PI4KA: variants seen among roughly 807,000 people sequenced by gnomAD.
PI4KA encodes the protein phosphatidylinositol 4-kinase alpha, also known as PI4-kinase alpha.
Under a neutral mutation model 271.4 loss-of-function variants are expected in PI4KA, and 122 were observed. That is an observed-to-expected ratio of 0.45 (90% CI 0.39 to 0.52). The LOEUF (loss-of-function observed/expected upper bound fraction) is 0.52. Among genes scored for constraint, PI4KA ranks in the 20% least tolerant of loss-of-function variants. PI4KA has a pLI of 0.00. For synonymous variants in PI4KA, 1,041 were observed against 1,078.8 expected, an observed-to-expected ratio of 0.96 and a Z score of 0.69; for missense variants, 1,969 against 2,769.1, an observed-to-expected ratio of 0.71 and a Z score of 6.48.
intron 36 of PI4KA, among the ~76,000 whole-genome samples, chr22:20,730,487 C>G (rs1927897456): frequency 6.6e-6 from 1 of 152,058 alleles, no homozygotes; most frequent in Admixed American, 6.6e-5. Flanking sequence ...GTTGGCCAGG[C>G]TGGTCTCAAA....
intron 23 of PI4KA, among the ~76,000 whole-genome samples, chr22:20,754,009 G>GT (rs1248924902): frequency 1.3e-5 from 2 of 151,788 alleles, no homozygotes; most frequent in African/African-American, 2.4e-5. Context: ...TCTGCATCAC[G>GT]TAAGTGGTAT....
At chr22:20,788,438 C>T (rs1278099433) in intron 19 of PI4KA, among the ~76,000 whole-genome samples, 3 of 152,178 alleles carry the variant, frequency 2.0e-5, no homozygotes, top group African/African-American at 7.2e-5. Flanking sequence ...TCCTTACCCT[C>T]AATCCCTAGG....
At chr22:20,800,873 C>CA (rs376870559) in intron 14 of PI4KA, among the ~76,000 whole-genome samples, 30,355 of 122,322 alleles carry the variant, frequency 0.25, 4,548 homozygotes, top group Non-Finnish European at 0.36. Context: ...GACTCTGTCT[C>CA]AAAAAAAAAA....
chr22:20,713,203 T>C lies in PI4KA; in HGVS notation c.5571+78A>G, dbSNP rs1243382092. On this transcript the variant is annotated intron_variant, in intron 48 of 54. Coordinates refer to ENST00000255882, the MANE Select transcript of PI4KA (RefSeq NM_058004.4). ...AAGATTCACATTTCTGCATATGAGA[T>C]TGGACTCTGGCGGGCCTGGAGCCTT... is the stretch of plus-strand genomic sequence containing the variant. The C allele has an allele frequency of 3.0e-6, 3 of 1,005,588 alleles. No individual in the cohort carries two copies. In the East Asian group the frequency reaches 7.8e-5, roughly 26 times the overall value. The allele number at this position is 1,005,588 out of a possible 1,614,324, so 62.3% of individuals were successfully genotyped here.
At chr22:20,812,496 T>A (rs1455230144) in intron 8 of PI4KA, among the ~76,000 whole-genome samples, 1 of 152,164 alleles carries the variant, frequency 6.6e-6, no homozygotes, top group Non-Finnish European at 1.5e-5. Flanking sequence ...CCGTACCTAT[T>A]CAAATCTGTC....
chr22:20,748,679 C>T (rs371498532), intron 28 of PI4KA, among the ~76,000 whole-genome samples: 34 of 152,340 alleles, frequency 2.2e-4, no homozygotes, highest in African/African-American at 7.2e-4. Context: ...GGAGTATATA[C>T]ATGCAGAATT....
Position 20,707,851 on chromosome 22 carries a change from A to G in PI4KA, c.*196T>C. On this transcript the variant is annotated 3_prime_UTR_variant, in exon 55 of 55. Transcript: ENST00000255882. ...CACCTGTGCATAGACAGCACCATCC[A>G]TTGATTGTCGCTGCAGTCCATGGCG... 1 of 685,282 alleles carries G rather than the reference A, an allele frequency of 1.5e-6. No individual in the cohort carries two copies. 42.5% of individuals were successfully genotyped at this position (685,282 alleles called of 1,614,324 possible). A position where few individuals can be genotyped will look rare whatever the true frequency, so the allele number is the denominator to read the frequency against.
intron 1 of PI4KA, among the ~76,000 whole-genome samples, chr22:20,846,320 C>T (rs201781619): frequency 1.4e-5 from 2 of 144,736 alleles, no homozygotes; most frequent in Non-Finnish European, 1.5e-5. Flanking sequence ...ATTTCTACAA[C>T]GCAGCAATGA....
intron 23 of PI4KA, among the ~76,000 whole-genome samples, chr22:20,754,279 G>GA (rs1931036581): frequency 1.3e-5 from 2 of 151,756 alleles, no homozygotes; most frequent in African/African-American, 4.8e-5. Flanking sequence ...TAGAGACTGG[G>GA]AGTCTCACTA....
intron 30 of PI4KA, chr22:20,743,053 C>T (rs1568978409): frequency 9.0e-6 from 4 of 446,674 alleles, no homozygotes; most frequent in Non-Finnish European, 1.6e-5. Flanking sequence ...CAGCAGTGAG[C>T]CCGGGGTCTG....
At chr22:20,751,828 G>T in intron 25 of PI4KA, 73 bp from the exon 26 acceptor site, 1 of 1,352,184 alleles carries the variant, frequency 7.4e-7, no homozygotes, top group Non-Finnish European at 1.0e-6. Flanking sequence ...AGCCCCCTCA[G>T]CTGCCAGCCC....
Position 20,747,619 on chromosome 22 carries a change from G to A in PI4KA, c.3327C>T (p.His1109=). The A allele has an allele frequency of 6.2e-7, 1 of 1,614,146 alleles. No individual in the cohort carries two copies. Among genetic ancestry groups the A allele is most frequent in the South Asian group, 1.1e-5 (1 of 91,086 alleles). ...GLAMATESIL[H]FAGYNKQNTT... ...TGTTCTGCTTGTTGTAGCCAGCAAAGTGAAGGATGCTCTCAGTGGCCATGG... is the reference window on the plus strand; with the variant it reads ...TGTTCTGCTTGTTGTAGCCAGCAAAATGAAGGATGCTCTCAGTGGCCATGG... Residue 1109 remains histidine (H), a synonymous_variant, in exon 29 of 55, where the codon CAC becomes CAT. Coordinates refer to ENST00000255882, the MANE Select transcript of PI4KA (RefSeq NM_058004.4).
intron 36 of PI4KA, among the ~76,000 whole-genome samples, chr22:20,732,464 C>T (rs560324561): frequency 6.6e-6 from 1 of 152,312 alleles, no homozygotes; most frequent in Admixed American, 6.5e-5. Flanking sequence ...CCCTGCATGC[C>T]GGTGCAGCCA....
chr22:20,813,574 TCCC>T, intron 7 of PI4KA, 68 bp from the exon 8 acceptor site: 1 of 1,435,608 alleles, frequency 7.0e-7, no homozygotes, highest in East Asian at 2.3e-5. Context: ...TCAAGCTGAC[TCCC>T]CCAATAACCA....
intron 3 of PI4KA, among the ~76,000 whole-genome samples, chr22:20,825,019 G>A (rs750668085): frequency 1.9e-4 from 24 of 124,556 alleles, no homozygotes; most frequent in African/African-American, 5.8e-4. Context: ...CCAGTGAGCC[G>A]AGATCGCACC....
chr22:20,708,517 C>T (rs1202634644), intron 54 of PI4KA, among the ~76,000 whole-genome samples: 2 of 147,374 alleles, frequency 1.4e-5, no homozygotes. Context: ...CCAGCCTCCA[C>T]AGTGCCCTTG....
chr22:20,809,363 A>T (rs1935863851), intron 9 of PI4KA, among the ~76,000 whole-genome samples: 1 of 152,156 alleles, frequency 6.6e-6, no homozygotes, highest in South Asian at 2.1e-4. Flanking sequence ...AATAATTGGT[A>T]GTGGTTATTA....
chr22:20,747,213 G>C lies in PI4KA; in HGVS notation c.3363+370C>G, dbSNP rs181102408. Among the ~76,000 whole-genome samples, 260 of 152,302 alleles carry C rather than the reference G, an allele frequency of 1.7e-3. 2 individuals carry two copies. Among genetic ancestry groups the C allele is most frequent in the African/African-American group, 6.0e-3 (249 of 41,560 alleles). ...ACCTGCAGAAAACAGAACTGTTCAG[G>C]AGTCCAGTATACGCTCCAGATAAGT... On this transcript the variant is annotated intron_variant, in intron 29 of 54. Transcript: ENST00000255882.
intron 41 of PI4KA, among the ~76,000 whole-genome samples, chr22:20,727,019 G>A (rs771121447): frequency 1.3e-5 from 2 of 152,020 alleles, no homozygotes; most frequent in Middle Eastern, 3.2e-3. Flanking sequence ...TAACTCAAAC[G>A]CCTCACTAGA....
Sources: gnomAD v4.1 joint callset for allele counts (sites outside exome capture counted in the v4.1 genomes callset) on GRCh38, gnomAD v4.1.1 for gene constraint, MANE v1.5 for transcripts, NCBI Gene and HGNC (gene_info 2026-07-23, HGNC 2026-07-21) for gene names.